Variants in SAMD12 observed in about 807,000 individuals in gnomAD.
SAMD12 encodes sterile alpha motif domain containing 12, also known as sterile alpha motif domain-containing protein 12.
A neutral mutation model predicts 15.0 loss-of-function variants in SAMD12; 9 were observed. The observed-to-expected ratio is 0.60, with a 90% CI of 0.36 to 1.05. The LOEUF is 1.05. Ranked by LOEUF, SAMD12 falls within the 50% of genes least tolerant of loss-of-function variation. SAMD12 has a pLI of 0.01. For synonymous variants in SAMD12, 86 were observed against 90.1 expected (o/e 0.96, Z 0.25); for missense variants, 230 against 234.2 (o/e 0.98, Z 0.12).
At chr8:118,559,865 T>G (rs1826656165) in intron 2 of SAMD12, among the ~76,000 whole-genome samples, 1 of 152,226 alleles carries the variant, frequency 6.6e-6, no homozygotes, top group South Asian at 2.1e-4. Flanking sequence ...ATGTGCTCTT[T>G]GTTGACAGGG....
intron 4 of SAMD12, among the ~76,000 whole-genome samples, chr8:118,290,195 A>T (rs140670691): frequency 7.5e-4 from 114 of 152,342 alleles, no homozygotes; most frequent in Non-Finnish European, 1.2e-3. Context: ...AAATCCAGAG[A>T]GGAAAATGGG....
At chr8:118,263,609 A>G (rs1334293342) in intron 4 of SAMD12, among the ~76,000 whole-genome samples, 3 of 152,150 alleles carry the variant, frequency 2.0e-5, no homozygotes, top group African/African-American at 7.2e-5. Context: ...AAAAATAAAA[A>G]AAGACATTGC....
At chr8:118,439,736 G>A in intron 3 of SAMD12, 96 bp downstream of exon 3, 1 of 1,216,200 alleles carries the variant, frequency 8.2e-7, no homozygotes, top group Non-Finnish European at 1.2e-6. Flanking sequence ...GAAAATTTCA[G>A]CAGGAAGATG....
chr8:118,546,950 A>T (rs543865186), intron 2 of SAMD12, among the ~76,000 whole-genome samples: 1 of 152,334 alleles, frequency 6.6e-6, no homozygotes, highest in African/African-American at 2.4e-5. Flanking sequence ...CTCATCCAAG[A>T]TCACTGAAAA....
At chr8:118,592,374 A>G (rs1241016698) in intron 1 of SAMD12, among the ~76,000 whole-genome samples, 2 of 152,146 alleles carry the variant, frequency 1.3e-5, no homozygotes, top group Non-Finnish European at 2.9e-5. Context: ...ACTCTGGGGA[A>G]TAAGATTTTT....
chr8:118,445,682 C>T (rs1388945293), intron 2 of SAMD12, among the ~76,000 whole-genome samples: 11 of 152,254 alleles, frequency 7.2e-5, no homozygotes, highest in Non-Finnish European at 1.0e-4. Context: ...TAATTAAATG[C>T]GTATAGTGTT....
intron 3 of SAMD12, among the ~76,000 whole-genome samples, chr8:118,406,993 T>G (rs1349954227): frequency 6.6e-6 from 1 of 151,910 alleles, no homozygotes; most frequent in African/African-American, 2.4e-5. Context: ...CTATTGTGAA[T>G]ATTGCTGCAA....
intron 2 of SAMD12, among the ~76,000 whole-genome samples, chr8:118,479,598 T>A (rs1322863308): frequency 6.6e-6 from 1 of 152,136 alleles, no homozygotes; most frequent in Admixed American, 6.5e-5. Context: ...CAAGATGAGA[T>A]TTGGGTGGGG....
intron 3 of SAMD12, among the ~76,000 whole-genome samples, chr8:118,421,900 A>G (rs1315847691): frequency 1.3e-5 from 2 of 152,220 alleles, no homozygotes; most frequent in Non-Finnish European, 2.9e-5. Context: ...TCGCACTTGA[A>G]GATGATATTC....
intron 4 of SAMD12, among the ~76,000 whole-genome samples, chr8:118,277,581 TAAAA>T (rs1373853636): frequency 8.0e-6 from 1 of 125,200 alleles, no homozygotes; most frequent in African/African-American, 2.9e-5. Flanking sequence ...GTCTCCTGAG[TAAAA>T]AAAAAAAAAA....
rs1165240607 is a variant in SAMD12 at position 118,517,359 on chromosome 8, A to T, written c.192+63356T>A. Among the ~76,000 whole-genome samples the T allele has an allele frequency of 2.0e-5, 3 of 152,084 alleles. No individual in the cohort carries two copies. The East Asian group carries it at 5.8e-4, about 29-fold the overall frequency. Reference sequence around the variant, plus strand: ...CGGGAAAATTATTTTACTGCTCTATACCTCAATTTCCTCATTTATAAAATG... The same window carrying T: ...CGGGAAAATTATTTTACTGCTCTATTCCTCAATTTCCTCATTTATAAAATG... On this transcript the variant is annotated intron_variant, in intron 2 of 3. Coordinates refer to ENST00000314727, the MANE Select transcript of SAMD12 (RefSeq NM_207506.3).
intron 2 of SAMD12, among the ~76,000 whole-genome samples, chr8:118,486,639 T>C (rs186511293): frequency 6.6e-6 from 1 of 152,286 alleles, no homozygotes; most frequent in African/African-American, 2.4e-5. Context: ...AGGAGACCCA[T>C]GTTGGACTTA....
intron 2 of SAMD12, among the ~76,000 whole-genome samples, chr8:118,538,198 C>T (rs1825898872): frequency 6.6e-6 from 1 of 152,078 alleles, no homozygotes; most frequent in East Asian, 1.9e-4. Context: ...GTCTCTCTTT[C>T]TCTCTCTCCC....
At chr8:118,235,479 G>T (rs1001720430) in intron 4 of SAMD12, among the ~76,000 whole-genome samples, 3 of 151,938 alleles carry the variant, frequency 2.0e-5, no homozygotes, top group Non-Finnish European at 2.9e-5. Flanking sequence ...AAAGTGCTGG[G>T]ATTACAAGCA....
intron 2 of SAMD12, among the ~76,000 whole-genome samples, chr8:118,543,579 A>T (rs1025408306): frequency 3.3e-5 from 5 of 151,506 alleles, no homozygotes; most frequent in Non-Finnish European, 7.4e-5. Flanking sequence ...ACACAAATTC[A>T]TAAACTTTCT....
chr8:118,233,547 A>G (rs1812359867), intron 4 of SAMD12, among the ~76,000 whole-genome samples: 1 of 152,158 alleles, frequency 6.6e-6, no homozygotes, highest in African/African-American at 2.4e-5. Context: ...CTCACCTGTA[A>G]AATGAGGACA....
At chr8:118,380,381 G>A (rs1819609040) in intron 3 of SAMD12, among the ~76,000 whole-genome samples, 3 of 152,082 alleles carry the variant, frequency 2.0e-5, no homozygotes, top group African/African-American at 7.2e-5. Flanking sequence ...CATCCAAAGA[G>A]TTCAAAAACA....
In SAMD12 at chr8:118,601,891, G is replaced by A. The variant is rs141062642; in HGVS notation, c.13+19913C>T. Among the ~76,000 whole-genome samples the A allele has an allele frequency of 1.2e-4, 19 of 152,270 alleles. No homozygotes were observed. The South Asian group carries it at 2.5e-3, about 20-fold the overall frequency. On this transcript the variant is annotated intron_variant, in intron 1 of 3. Coordinates refer to ENST00000314727, the MANE Select transcript of SAMD12 (RefSeq NM_207506.3). ...TGGCTCTGGAGAGGCCCTTAGGGAC[G>A]TCTCTCCATTCTAAGTTTAAAAAGA...
At chr8:118,368,835 T>C (rs577574894) in intron 4 of SAMD12, among the ~76,000 whole-genome samples, 1 of 152,208 alleles carries the variant, frequency 6.6e-6, no homozygotes, top group Non-Finnish European at 1.5e-5. Context: ...AGTTTGCTCA[T>C]AGTCTACAAG....
Sources: gnomAD v4.1 joint callset for allele counts (sites outside exome capture counted in the v4.1 genomes callset) on GRCh38, gnomAD v4.1.1 for gene constraint, MANE v1.5 for transcripts, NCBI Gene and HGNC (gene_info 2026-07-23, HGNC 2026-07-21) for gene names.